Variants in TLE1 observed in about 807,000 individuals in gnomAD.
TLE1 encodes the protein TLE family member 1, transcriptional corepressor, also known as transducin-like enhancer protein 1.
TLE1 carries 21 observed loss-of-function variants against 89.8 expected under a neutral mutation model. The ratio of observed to expected loss-of-function variants is 0.23; its 90% CI spans 0.17 to 0.34. The LOEUF is 0.34. TLE1 is among the 10% of genes least tolerant of loss of function. The pLI is 1.00. For missense variants in TLE1, 795 were observed against 1,031.2 expected, an observed-to-expected ratio of 0.77 and a Z score of 3.14; for synonymous variants, 447 against 407.6, an observed-to-expected ratio of 1.10 and a Z score of -1.16.
intron 8 of TLE1, among the ~76,000 whole-genome samples, chr9:81,632,438 T>C (rs966568274): frequency 6.7e-6 from 1 of 150,064 alleles, no homozygotes; most frequent in African/African-American, 2.4e-5. Context: ...CCAAAACTTA[T>C]ACCAAAAAAG....
At chr9:81,593,834 T>C (rs1310373918) in intron 14 of TLE1, among the ~76,000 whole-genome samples, 2 of 152,196 alleles carry the variant, frequency 1.3e-5, no homozygotes, top group Admixed American at 6.5e-5. Flanking sequence ...GATTATCTTA[T>C]ATGGCTGTAA....
intron 14 of TLE1, among the ~76,000 whole-genome samples, chr9:81,594,749 G>T (rs1159251949): frequency 1.3e-5 from 2 of 152,196 alleles, no homozygotes; most frequent in Admixed American, 1.3e-4. Flanking sequence ...AACACCATGA[G>T]TACTAACACA....
chr9:81,677,455 CT>C (rs1833036626), intron 4 of TLE1, among the ~76,000 whole-genome samples: 1 of 150,266 alleles, frequency 6.7e-6, no homozygotes, highest in Non-Finnish European at 1.5e-5. Context: ...ATTCCAGCTA[CT>C]CAGCAGGCTG....
intron 4 of TLE1, 150 bp from the exon 5 acceptor site, chr9:81,654,186 T>A: frequency 3.1e-6 from 2 of 653,496 alleles, no homozygotes; most frequent in South Asian, 4.0e-5. Flanking sequence ...CTAATACTTA[T>A]CTTGAAATAA....
intron 4 of TLE1, among the ~76,000 whole-genome samples, chr9:81,662,698 C>CAA (rs1030990268): frequency 7.2e-6 from 1 of 138,362 alleles, no homozygotes; most frequent in African/African-American, 2.6e-5. Context: ...AACTCCGTAT[C>CAA]AAAAAAAAAA....
chr9:81,679,307 TTTTTTC>T (rs956617719), intron 4 of TLE1, among the ~76,000 whole-genome samples: 6 of 152,094 alleles, frequency 3.9e-5, no homozygotes, highest in Non-Finnish European at 8.8e-5. Context: ...TTCTTCACTT[TTTTTTC>T]TTTTTTTTTC....
intron 4 of TLE1, among the ~76,000 whole-genome samples, chr9:81,680,780 T>C (rs1216700470): frequency 6.6e-6 from 1 of 152,188 alleles, no homozygotes; most frequent in African/African-American, 2.4e-5. Flanking sequence ...TGATGACAGC[T>C]ACCCTCTTTG....
rs189256759 is a variant in TLE1, at chr9:81,606,278, C to A, written c.1331+3942G>T. Among the ~76,000 whole-genome samples, 382 of 152,258 alleles carry A rather than the reference C, an allele frequency of 2.5e-3. 1 individual carries two copies. The highest frequency in any genetic ancestry group is 8.4e-3 in the African/African-American group (349 of 41,544). ...CAGCCATCCCATTACTGGGTGTATA[C>A]CCAAAGGATTATAAATCATGCTGCT... On this transcript the variant is annotated intron_variant, in intron 14 of 19. Coordinates refer to ENST00000376499, the MANE Select transcript of TLE1 (RefSeq NM_005077.5).
intron 8 of TLE1, among the ~76,000 whole-genome samples, chr9:81,629,613 C>T (rs1826323332): frequency 6.6e-6 from 1 of 152,170 alleles, no homozygotes; most frequent in African/African-American, 2.4e-5. Context: ...CCATGTCAGG[C>T]AATTTCATCA....
chr9:81,656,531 C>T (rs1282777130), intron 4 of TLE1, among the ~76,000 whole-genome samples: 2 of 152,168 alleles, frequency 1.3e-5, no homozygotes, highest in African/African-American at 2.4e-5. Flanking sequence ...ACCCTGAGCC[C>T]ATCATCCAAG....
chr9:81,685,603 G>C, intron 4 of TLE1, 73 bp downstream of exon 4: 1 of 1,517,508 alleles, frequency 6.6e-7, no homozygotes, highest in Non-Finnish European at 9.1e-7. Context: ...GCCCACTACT[G>C]AGAACAAAGC....
In TLE1 at chr9:81,620,562, A is replaced by C. The variant is rs1825104299; in HGVS notation, c.595-5T>G. 6.2e-7 allele frequency: 1 copy of C among 1,602,648 alleles called. No homozygotes were observed. The highest frequency in any genetic ancestry group is 8.5e-7 in the Non-Finnish European group (1 of 1,176,938). On this transcript the variant is annotated splice_region_variant and splice_polypyrimidine_tract_variant and intron_variant, in intron 8 of 19. Transcript: ENST00000376499. ...TGGGACCAGGAGGGAATTACTCTGC[A>C]AGACAAAAAAATTAATCAAAGATTT...
intron 4 of TLE1, among the ~76,000 whole-genome samples, chr9:81,665,662 G>A (rs943724918): frequency 1.3e-5 from 2 of 152,186 alleles, no homozygotes; most frequent in African/African-American, 4.8e-5. Context: ...TCTCAGCAGA[G>A]CAACTCAAGT....
At chr9:81,681,330 C>T (rs926515734) in intron 4 of TLE1, among the ~76,000 whole-genome samples, 2 of 152,090 alleles carry the variant, frequency 1.3e-5, no homozygotes, top group South Asian at 2.1e-4. Flanking sequence ...CGGGGGGAAT[C>T]ACTTGAGGTC....
intron 5 of TLE1, among the ~76,000 whole-genome samples, chr9:81,653,539 C>T (rs554727056): frequency 1.3e-5 from 2 of 152,316 alleles, no homozygotes; most frequent in East Asian, 3.9e-4. Flanking sequence ...TCCACCCCTT[C>T]AAGGACAGCA....
At position 81,610,236 on chromosome 9, in the gene TLE1, T is replaced by C. The variant is rs1410356064; in HGVS notation, c.1315A>G (p.Ile439Val). 1 of 1,613,944 alleles carries C rather than the reference T, an allele frequency of 6.2e-7. No homozygotes were observed. The highest frequency in any genetic ancestry group is 1.7e-5 in the Admixed American group (1 of 60,010). ...VPTIPPNLAG[I>V]PGGKPAYSFH... is the part of the protein sequence containing the mutation. ...GGTACTTACGGTTTCCCCCCAGGGATTCCTGCCAGGTTTGGAGGAATGGTA... is the reference window on the plus strand; with the variant it reads ...GGTACTTACGGTTTCCCCCCAGGGACTCCTGCCAGGTTTGGAGGAATGGTA... The change falls in exon 14 of 20, where the codon ATC becomes GTC. Residue 439 changes from isoleucine to valine, a missense_variant. By Grantham distance (29) the Ile-to-Val change is conservative. Coordinates refer to ENST00000376499, the MANE Select transcript of TLE1 (RefSeq NM_005077.5).
chr9:81,653,905 T>C, intron 5 of TLE1, 69 bp downstream of exon 5: 1 of 1,443,282 alleles, frequency 6.9e-7, no homozygotes, highest in Non-Finnish European at 9.7e-7. Flanking sequence ...ATTAACATCT[T>C]AAAACTAGCT....
intron 6 of TLE1, among the ~76,000 whole-genome samples, chr9:81,647,708 T>G (rs1037640250): frequency 6.6e-6 from 1 of 152,118 alleles, no homozygotes; most frequent in Admixed American, 6.6e-5. Flanking sequence ...CATCTACAGA[T>G]AGGGGACACT....
chr9:81,595,634 G>A (rs546403149), intron 14 of TLE1, among the ~76,000 whole-genome samples: 3 of 152,062 alleles, frequency 2.0e-5, no homozygotes, highest in South Asian at 4.1e-4. Context: ...CTGGCTAACA[G>A]AGTGAAACCC....
Sources: allele counts gnomAD v4.1 joint callset (sites outside exome capture counted in the v4.1 genomes callset), GRCh38; gene constraint gnomAD v4.1.1; transcripts MANE v1.5; gene names NCBI Gene and HGNC (gene_info 2026-07-23, HGNC 2026-07-21).